Variants in KCNH7 observed in about 807,000 individuals in gnomAD.
KCNH7 encodes the protein voltage-gated inwardly rectifying potassium channel KCNH7.
Under a neutral mutation model 120.8 loss-of-function variants are expected in KCNH7, and 49 were observed. The ratio of observed to expected loss-of-function variants is 0.41; its 90% CI spans 0.32 to 0.51. The LOEUF (loss-of-function observed/expected upper bound fraction) is 0.51, where lower values mean the gene tolerates loss of function less well. Among genes scored for constraint, KCNH7 ranks in the 20% least tolerant of loss-of-function variants. KCNH7 has a pLI of 0.38. For missense variants in KCNH7, 1,097 were observed against 1,446.6 expected (o/e 0.76, Z 3.92); for synonymous variants, 547 against 516.1 (o/e 1.06, Z -0.81).
intron 2 of KCNH7, among the ~76,000 whole-genome samples, chr2:162,711,616 G>A (rs1013769541): frequency 6.6e-6 from 1 of 152,184 alleles, no homozygotes; most frequent in Admixed American, 6.6e-5. Context: ...CTTGGAGGAC[G>A]TTTTCCTAAT....
At chr2:162,591,519 C>G (rs1044112232) in intron 2 of KCNH7, among the ~76,000 whole-genome samples, 1 of 151,950 alleles carries the variant, frequency 6.6e-6, no homozygotes, top group Non-Finnish European at 1.5e-5. Context: ...AAAACAGACC[C>G]CATGCAAGGG....
intron 2 of KCNH7, among the ~76,000 whole-genome samples, chr2:162,736,231 C>A (rs1287563921): frequency 2.0e-5 from 3 of 152,100 alleles, no homozygotes; most frequent in Non-Finnish European, 4.4e-5. Flanking sequence ...ACTTCTCATG[C>A]AATGAGTTGC....
chr2:162,571,319 C>T (rs1190858274), intron 2 of KCNH7, among the ~76,000 whole-genome samples: 1 of 152,176 alleles, frequency 6.6e-6, no homozygotes, highest in East Asian at 1.9e-4. Flanking sequence ...AATTAAATAC[C>T]TGGGAATCCA....
chr2:162,584,299 T>C (rs1693960420), intron 2 of KCNH7, among the ~76,000 whole-genome samples: 1 of 152,152 alleles, frequency 6.6e-6, no homozygotes, highest in Non-Finnish European at 1.5e-5. Flanking sequence ...CTATATCTTA[T>C]GTCCATTTCC....
At chr2:162,544,872 T>C (rs1300481120) in intron 2 of KCNH7, among the ~76,000 whole-genome samples, 2 of 152,102 alleles carry the variant, frequency 1.3e-5, no homozygotes, top group East Asian at 3.9e-4. Flanking sequence ...CTCCCTTTCA[T>C]TGGCTTAGGA....
chr2:162,779,177 T>TA (rs1334266749), intron 2 of KCNH7, among the ~76,000 whole-genome samples: 7 of 136,130 alleles, frequency 5.1e-5, no homozygotes, highest in African/African-American at 2.2e-4. Context: ...AAGCCAGTCT[T>TA]AATTTTTTTT....
intron 2 of KCNH7, among the ~76,000 whole-genome samples, chr2:162,766,097 A>T (rs576757538): frequency 6.6e-6 from 1 of 151,670 alleles, no homozygotes; most frequent in Non-Finnish European, 1.5e-5. Context: ...CCCTTCCTCC[A>T]TTTTAACTAC....
intron 4 of KCNH7, among the ~76,000 whole-genome samples, chr2:162,515,221 A>G (rs1406563740): frequency 6.6e-6 from 1 of 151,774 alleles, no homozygotes; most frequent in Non-Finnish European, 1.5e-5. Flanking sequence ...ATAACAGCTT[A>G]CTTTGGGTGA....
chr2:162,734,925 G>T (rs1363711085), intron 2 of KCNH7, among the ~76,000 whole-genome samples: 2 of 152,162 alleles, frequency 1.3e-5, no homozygotes, highest in Non-Finnish European at 2.9e-5. Context: ...GTTGATGGGA[G>T]TCTTTGAAAA....
chr2:162,430,039 C>T (rs1688013868), intron 8 of KCNH7, among the ~76,000 whole-genome samples: 1 of 150,752 alleles, frequency 6.6e-6, no homozygotes, highest in African/African-American at 2.4e-5. Context: ...ATGCTTGTAA[C>T]TTTTTTTTTG....
chr2:162,818,470 T>C (rs946712052), intron 2 of KCNH7, among the ~76,000 whole-genome samples: 1 of 152,184 alleles, frequency 6.6e-6, no homozygotes, highest in Admixed American at 6.5e-5. Context: ...TATCAAACTG[T>C]TATCATTACT....
At chr2:162,689,536 CACAATG>C (rs1686027516) in intron 2 of KCNH7, among the ~76,000 whole-genome samples, 2 of 152,074 alleles carry the variant, frequency 1.3e-5, no homozygotes, top group African/African-American at 4.8e-5. Context: ...AAAAAGCAAA[CACAATG>C]CCTACAATAA....
rs147039638 is a variant in KCNH7 at position 162,620,839 on chromosome 2, C to T, written c.308-83759G>A. ...ATTACAGATCCTCTGTCACATAATT[C>T]CTTTGCTCAATAATGCAGGAAATCT... On this transcript the variant is annotated intron_variant, in intron 2 of 15. Coordinates refer to ENST00000332142, the MANE Select transcript of KCNH7 (RefSeq NM_033272.4). 2.9e-3 allele frequency among the ~76,000 whole-genome samples: 441 copies of T among 152,124 alleles called. 1 individual carries two copies. Among genetic ancestry groups the T allele is most frequent in the African/African-American group, 0.01 (419 of 41,514 alleles).
At chr2:162,699,965 G>T (rs1686433591) in intron 2 of KCNH7, among the ~76,000 whole-genome samples, 1 of 152,166 alleles carries the variant, frequency 6.6e-6, no homozygotes, top group South Asian at 2.1e-4. Context: ...GAAGAAAAGA[G>T]AAAAATTACT....
At chr2:162,776,458 A>G (rs1221649222) in intron 2 of KCNH7, among the ~76,000 whole-genome samples, 1 of 152,166 alleles carries the variant, frequency 6.6e-6, no homozygotes, top group Non-Finnish European at 1.5e-5. Flanking sequence ...GGCCAAATAT[A>G]AGTCAAAAAA....
intron 2 of KCNH7, among the ~76,000 whole-genome samples, chr2:162,741,292 TTAA>T (rs1688125394): frequency 2.7e-5 from 4 of 149,702 alleles, no homozygotes; most frequent in Admixed American, 6.7e-5. Flanking sequence ...GTTATACATA[TTAA>T]TAACATATGT....
chr2:162,701,802 T>G (rs1402139624), intron 2 of KCNH7, among the ~76,000 whole-genome samples: 2 of 151,864 alleles, frequency 1.3e-5, no homozygotes, highest in Non-Finnish European at 2.9e-5. Flanking sequence ...AAGTCAAGAG[T>G]TTGAGACCAA....
chr2:162,711,622 C>T (rs1047537634), intron 2 of KCNH7, among the ~76,000 whole-genome samples: 1 of 152,096 alleles, frequency 6.6e-6, no homozygotes, highest in African/African-American at 2.4e-5. Flanking sequence ...GGACGTTTTC[C>T]TAATGCCCAC....
At chr2:162,804,872 C>A (rs1236319454) in intron 2 of KCNH7, among the ~76,000 whole-genome samples, 2 of 151,606 alleles carry the variant, frequency 1.3e-5, no homozygotes, top group Non-Finnish European at 3.0e-5. Flanking sequence ...CCGTATTTAC[C>A]AAAATAACAT....
Sources: gnomAD v4.1 joint callset for allele counts (sites outside exome capture counted in the v4.1 genomes callset) on GRCh38, gnomAD v4.1.1 for gene constraint, MANE v1.5 for transcripts, NCBI Gene and HGNC (gene_info 2026-07-23, HGNC 2026-07-21) for gene names.